MRPS28: variants seen among roughly 807,000 people sequenced by gnomAD.
MRPS28 encodes small ribosomal subunit protein bS1m.
In MRPS28, 7 loss-of-function variants were observed where a neutral mutation model predicts 10.8. The ratio of observed to expected loss-of-function variants is 0.65; its 90% CI spans 0.37 to 1.22. The LOEUF is 1.22. MRPS28 is among the 50% of genes most tolerant of loss of function. The pLI, the probability that MRPS28 is intolerant of heterozygous loss-of-function variation, is 0.02. For missense variants in MRPS28, 265 were observed against 232.9 expected, an observed-to-expected ratio of 1.14 and a Z score of -0.90; for synonymous variants, 121 against 93.3, an observed-to-expected ratio of 1.30 and a Z score of -1.71.
chr8:80,019,339 A>T lies in MRPS28; in HGVS notation c.213+10697T>A, dbSNP rs1487698898. Among the ~76,000 whole-genome samples the T allele has an allele frequency of 2.0e-5, 3 of 149,258 alleles. No homozygotes were observed. In the East Asian group the frequency reaches 5.8e-4, roughly 29 times the overall value. ...ATATACACCTACTATGTACCCACAAAAATTAAAAATAGAAAAAAAATGTAA... is the reference window on the plus strand; with the variant it reads ...ATATACACCTACTATGTACCCACAATAATTAAAAATAGAAAAAAAATGTAA... On this transcript the variant is annotated intron_variant, in intron 1 of 2. Transcript: ENST00000276585.
At chr8:79,994,489 T>C (rs1219102603) in intron 2 of MRPS28, among the ~76,000 whole-genome samples, 1 of 152,084 alleles carries the variant, frequency 6.6e-6, no homozygotes, top group Non-Finnish European at 1.5e-5. Context: ...AAATGAAACA[T>C]TATTCAAAAT....
chr8:79,989,910 T>C (rs1414214949), intron 2 of MRPS28, among the ~76,000 whole-genome samples: 1 of 152,060 alleles, frequency 6.6e-6, no homozygotes, highest in Non-Finnish European at 1.5e-5. Flanking sequence ...TCCCAGCAGT[T>C]TGGGAGGCTG....
In MRPS28 at chr8:79,952,352, T is replaced by C. The variant is rs1586055204; in HGVS notation, c.396-33204A>G. ...GCCTACTTTCTCTTTCTTCCTACCC[T>C]AACCTTCCAAAATTAAGTAGATCAT... On this transcript the variant is annotated intron_variant, in intron 2 of 2. Transcript: ENST00000276585. 4.6e-5 allele frequency among the ~76,000 whole-genome samples: 7 copies of C among 152,306 alleles called. 1 individual carries two copies. Among genetic ancestry groups the C allele is most frequent in the Admixed American group, 4.6e-4 (7 of 15,294 alleles).
rs1402375371 is a variant in MRPS28 at position 79,981,313 on chromosome 8, A to G, written c.395+21686T>C. ...GCACTCCAGCCTGGGCAACACAGCG[A>G]CACCCTGTCTTAAAAAACAAAAACA... On this transcript the variant is annotated intron_variant, in intron 2 of 2. Transcript: ENST00000276585. Among the ~76,000 whole-genome samples the G allele has an allele frequency of 6.6e-5, 10 of 152,238 alleles. No homozygotes were observed. The South Asian group carries it at 2.1e-3, about 31-fold the overall frequency.
intron 2 of MRPS28, among the ~76,000 whole-genome samples, chr8:79,941,339 C>T (rs720302): frequency 0.07 from 10,672 of 152,140 alleles, 595 homozygotes; most frequent in African/African-American, 0.15. Context: ...TCTCCTGCTA[C>T]TCTTCCAGAT....
At chr8:79,988,732 C>T (rs1325294816) in intron 2 of MRPS28, among the ~76,000 whole-genome samples, 1 of 152,148 alleles carries the variant, frequency 6.6e-6, no homozygotes, top group Admixed American at 6.5e-5. Flanking sequence ...TTGAACAATT[C>T]TGTTCATCAG....
chr8:79,993,633 G>A (rs984989234), intron 2 of MRPS28, among the ~76,000 whole-genome samples: 4 of 151,922 alleles, frequency 2.6e-5, no homozygotes, highest in Non-Finnish European at 5.9e-5. Context: ...TAAATATAAC[G>A]GATGCTCTTC....
At chr8:80,029,181 A>G (rs1809577503) in intron 1 of MRPS28, among the ~76,000 whole-genome samples, 1 of 152,230 alleles carries the variant, frequency 6.6e-6, no homozygotes, top group African/African-American at 2.4e-5. Flanking sequence ...TTGTTACAAC[A>G]GAAAATAATA....
Position 80,003,077 on chromosome 8 carries a change from T to G in MRPS28, c.317A>C (p.His106Pro), listed in dbSNP as rs1808706299. Residue 106 changes from histidine to proline, a missense_variant, in exon 2 of 3, where the codon CAT becomes CCT. By Grantham distance (77) the His-to-Pro change is moderately conservative. Transcript: ENST00000276585. ...TATGTACAGATCATTCTCCACAATA[T>G]GAAAGATCCGTCCAATGACCAGTTT... Reference protein sequence around the residue: ...KDKLVIGRIFHIVENDLYIDF... With the variant: ...KDKLVIGRIFPIVENDLYIDF... 1 of 1,613,750 alleles carries G rather than the reference T, an allele frequency of 6.2e-7. No individual in the cohort carries two copies. The highest frequency in any genetic ancestry group is 8.5e-7 in the Non-Finnish European group (1 of 1,179,852).
At chr8:79,985,702 T>C (rs912245618) in intron 2 of MRPS28, among the ~76,000 whole-genome samples, 13 of 152,244 alleles carry the variant, frequency 8.5e-5, no homozygotes, top group Non-Finnish European at 1.5e-4. Flanking sequence ...CCTCGACACA[T>C]ACAACCTCCC....
chr8:79,988,458 A>T (rs1260045482), intron 2 of MRPS28, among the ~76,000 whole-genome samples: 2 of 151,254 alleles, frequency 1.3e-5, no homozygotes, highest in Admixed American at 6.6e-5. Flanking sequence ...TAAAAAAATT[A>T]AAAAAAGAAA....
chr8:79,951,900 T>C (rs567669139), intron 2 of MRPS28, among the ~76,000 whole-genome samples: 3 of 152,224 alleles, frequency 2.0e-5, no homozygotes, highest in Non-Finnish European at 4.4e-5. Context: ...CCACGGTTTT[T>C]ATCACAACAC....
chr8:79,946,849 A>C (rs1178974265), intron 2 of MRPS28, among the ~76,000 whole-genome samples: 2 of 152,202 alleles, frequency 1.3e-5, no homozygotes, highest in African/African-American at 4.8e-5. Context: ...TTAAGATTTC[A>C]GAATGTTGCC....
Position 80,020,914 on chromosome 8 carries a change from C to T in MRPS28, c.213+9122G>A, listed in dbSNP as rs190657491. Among the ~76,000 whole-genome samples, 64 of 151,872 alleles carry T rather than the reference C, an allele frequency of 4.2e-4. 1 individual carries two copies. Among genetic ancestry groups the T allele is most frequent in the African/African-American group, 1.4e-3 (59 of 41,390 alleles). Reference sequence around the variant, plus strand: ...TGGAATTTCTATTTGTTTTTTTTAACTTCACCTTCAAAATGTTTTTATGTG... The same window carrying T: ...TGGAATTTCTATTTGTTTTTTTTAATTTCACCTTCAAAATGTTTTTATGTG... On this transcript the variant is annotated intron_variant, in intron 1 of 2. Transcript: ENST00000276585.
intron 2 of MRPS28, among the ~76,000 whole-genome samples, chr8:79,965,763 T>A (rs1230632114): frequency 6.6e-6 from 1 of 152,104 alleles, no homozygotes; most frequent in Non-Finnish European, 1.5e-5. Context: ...GCTTTAAGCA[T>A]ATAAGTGATA....
chr8:80,010,851 A>C (rs1366391655), intron 1 of MRPS28, among the ~76,000 whole-genome samples: 1 of 152,248 alleles, frequency 6.6e-6, no homozygotes, highest in Non-Finnish European at 1.5e-5. Context: ...AATCCTTAGC[A>C]CAAAAGGGTC....
intron 1 of MRPS28, among the ~76,000 whole-genome samples, chr8:80,011,610 G>A (rs150558356): frequency 0.014 from 2,065 of 151,832 alleles, 63 homozygotes; most frequent in African/African-American, 0.044. Flanking sequence ...AAAATTAGTC[G>A]GGCATGGTGG....
intron 2 of MRPS28, among the ~76,000 whole-genome samples, chr8:79,974,005 A>G (rs1022234658): frequency 6.6e-6 from 1 of 152,066 alleles, no homozygotes; most frequent in African/African-American, 2.4e-5. Flanking sequence ...TCGGCCTCAC[A>G]AAGTGTTGGG....
At chr8:79,973,689 C>G (rs1004360747) in intron 2 of MRPS28, among the ~76,000 whole-genome samples, 6 of 151,890 alleles carry the variant, frequency 4.0e-5, no homozygotes, top group Non-Finnish European at 7.4e-5. Context: ...GAAAATTTGG[C>G]CAAGTATCAG....
Sources: gnomAD v4.1 joint callset for allele counts (sites outside exome capture counted in the v4.1 genomes callset) on GRCh38, gnomAD v4.1.1 for gene constraint, MANE v1.5 for transcripts, NCBI Gene and HGNC (gene_info 2026-07-23, HGNC 2026-07-21) for gene names.